Variants in INPP5D observed in about 807,000 individuals in gnomAD.
INPP5D encodes inositol polyphosphate-5-phosphatase D, also known as phosphatidylinositol 3,4,5-trisphosphate 5-phosphatase 1.
In INPP5D, 33 loss-of-function variants were observed where a neutral mutation model predicts 122.9. The observed-to-expected ratio is 0.27, with a 90% CI of 0.20 to 0.36. INPP5D has a LOEUF of 0.36. Ranked by LOEUF, INPP5D falls within the 10% of genes least tolerant of loss-of-function variation. INPP5D has a pLI of 1.00. For missense variants in INPP5D, 1,053 were observed against 1,412.7 expected, an observed-to-expected ratio of 0.75 and a Z score of 4.08; for synonymous variants, 584 against 576.2, an observed-to-expected ratio of 1.01 and a Z score of -0.19.
rs1694261910 is a variant in INPP5D at position 233,164,072 on chromosome 2, G to C, written c.1437+169G>C. On this transcript the variant is annotated intron_variant, in intron 12 of 26. Coordinates refer to ENST00000445964, the MANE Select transcript of INPP5D (RefSeq NM_001017915.3). This position sits in a 1 kb window ranked among gnomAD's most constrained non-coding sequence, Gnocchi z 4.3. ...ATTCAGAAATAAATGGGATCTGTGG[G>C]GTATTGCTGAAAACCACTGAGTCCT... 1.4e-6 allele frequency: 2 copies of C among 1,384,390 alleles called. No individual in the cohort carries two copies. The highest frequency in any genetic ancestry group is 1.5e-5 in the African/African-American group (1 of 68,714). The allele number at this position is 1,384,390 out of a possible 1,614,324, so 85.8% of individuals were successfully genotyped here.
intron 11 of INPP5D, among the ~76,000 whole-genome samples, chr2:233,162,259 C>A (rs978854987): frequency 6.6e-6 from 1 of 150,476 alleles, no homozygotes; most frequent in African/African-American, 2.4e-5. Flanking sequence ...GAGATAGGTA[C>A]GTAGACAAAG....
At chr2:233,166,530 A>C (rs974378913) in intron 13 of INPP5D, among the ~76,000 whole-genome samples, 1 of 152,200 alleles carries the variant, frequency 6.6e-6, no homozygotes, top group African/African-American at 2.4e-5. Flanking sequence ...AGGCCTGGCC[A>C]GAGTCCCAGC....
chr2:233,138,930 T>C (rs1160012156), intron 5 of INPP5D, among the ~76,000 whole-genome samples: 1 of 151,162 alleles, frequency 6.6e-6, no homozygotes, highest in East Asian at 1.9e-4. Flanking sequence ...TTTTTTTGTA[T>C]TTTTAGTAGA....
At chr2:233,061,557 G>A (rs547264141) in intron 1 of INPP5D, among the ~76,000 whole-genome samples, 6 of 152,256 alleles carry the variant, frequency 3.9e-5, no homozygotes, top group African/African-American at 9.6e-5. Context: ...GAGCAGCCAG[G>A]GCCTTGTGCT....
intron 17 of INPP5D, among the ~76,000 whole-genome samples, chr2:233,175,091 G>A (rs747422976): frequency 7.9e-5 from 12 of 151,480 alleles, no homozygotes; most frequent in Non-Finnish European, 1.5e-4. Context: ...GCTGATGGGC[G>A]CCTGTAATCC....
intron 2 of INPP5D, among the ~76,000 whole-genome samples, chr2:233,081,321 G>A (rs1691682829): frequency 1.3e-5 from 2 of 152,324 alleles, no homozygotes; most frequent in African/African-American, 4.8e-5. Context: ...TTCTGGCAGA[G>A]TTGGCATCTG....
chr2:233,137,847 AAAAAAAATATATATATATATATAT>A (rs1287318060), intron 5 of INPP5D, among the ~76,000 whole-genome samples: 248 of 15,918 alleles, frequency 0.016, 9 homozygotes, highest in African/African-American at 0.039. Context: ...AAAAAAAAAA[AAAAAAAATATATATATATATATAT>A]ATATATATAT....
At chr2:233,065,042 C>T (rs925859872) in intron 1 of INPP5D, among the ~76,000 whole-genome samples, 3 of 152,188 alleles carry the variant, frequency 2.0e-5, no homozygotes, top group East Asian at 1.9e-4. Flanking sequence ...GCTGACTGTG[C>T]CGGGTTTTCT....
chr2:233,108,538 G>A (rs931663904), intron 2 of INPP5D, among the ~76,000 whole-genome samples: 11 of 152,104 alleles, frequency 7.2e-5, no homozygotes, highest in African/African-American at 2.4e-4. Flanking sequence ...TTATTTAAAC[G>A]AGATGAGGTC....
chr2:233,133,833 A>G, intron 5 of INPP5D: 1 of 394,418 alleles, frequency 2.5e-6, no homozygotes, highest in Non-Finnish European at 5.2e-6. Context: ...TGTCCAAGTG[A>G]GACAGGATGG....
chr2:233,070,854 A>T (rs1406574229), intron 1 of INPP5D, among the ~76,000 whole-genome samples: 1 of 152,238 alleles, frequency 6.6e-6, no homozygotes, highest in East Asian at 1.9e-4. Context: ...AATATGTATC[A>T]TGTTTTTAGC....
chr2:233,168,072 A>G (rs1475181016), intron 13 of INPP5D, among the ~76,000 whole-genome samples: 1 of 152,008 alleles, frequency 6.6e-6, no homozygotes, highest in Non-Finnish European at 1.5e-5. Context: ...TAGATCATAA[A>G]TAAATAGATT....
In INPP5D at chr2:233,132,885, A is replaced by ATT. The variant is rs35276718; in HGVS notation, c.665+2257_665+2258dup. On this transcript the variant is annotated intron_variant, in intron 5 of 26. Coordinates refer to ENST00000445964, the MANE Select transcript of INPP5D (RefSeq NM_001017915.3). ...AGACTAAGGATCCAGATGAACAAGAATTTTTTTTTTTTTTTTTTTTTGAGA... is the reference window on the plus strand; with the variant it reads ...AGACTAAGGATCCAGATGAACAAGAATTTTTTTTTTTTTTTTTTTTTTTGAGA... Among the ~76,000 whole-genome samples, 1,102 of 117,978 alleles carry ATT rather than the reference A, an allele frequency of 9.3e-3. 17 individuals carry two copies. The highest frequency in any genetic ancestry group is 0.013 in the Middle Eastern group (3 of 230). 77.4% of individuals were successfully genotyped at this position (117,978 alleles called of 152,430 possible).
intron 2 of INPP5D, chr2:233,120,837 C>T (rs780321585): frequency 6.6e-6 from 1 of 152,252 alleles, no homozygotes; most frequent in African/African-American, 2.4e-5. Flanking sequence ...CCCCAAGGTC[C>T]TCTGCTATCA....
At chr2:233,072,649 A>T (rs2106202699) in intron 1 of INPP5D, among the ~76,000 whole-genome samples, 1 of 152,274 alleles carries the variant, frequency 6.6e-6, no homozygotes, top group South Asian at 2.1e-4. Flanking sequence ...TTTAGTGTTG[A>T]ATTGGTCTTG....
intron 1 of INPP5D, among the ~76,000 whole-genome samples, chr2:233,073,022 C>G (rs1691421581): frequency 6.6e-6 from 1 of 152,200 alleles, no homozygotes; most frequent in Non-Finnish European, 1.5e-5. Context: ...GGAGTTCTGT[C>G]CCTGCAAATC....
In INPP5D at chr2:233,074,124, G is replaced by A. The variant is rs143544402; in HGVS notation, c.135-5211G>A. ...TTTTCTTTTCTGACAAAGAACTGTC[G>A]AGAACAATTGGATCAGATTTGTTCA... On this transcript the variant is annotated intron_variant, in intron 1 of 26. Transcript: ENST00000445964. Among the ~76,000 whole-genome samples, 10 of 152,242 alleles carry A rather than the reference G, an allele frequency of 6.6e-5. No homozygotes were observed. The East Asian group carries it at 1.2e-3, about 18-fold the overall frequency.
chr2:233,145,224 G>A (rs1355659510), intron 6 of INPP5D: 1 of 456,156 alleles, frequency 2.2e-6, no homozygotes. Context: ...CATGTACTTG[G>A]CATCAGGTAG....
chr2:233,185,835 T>G lies in INPP5D; in HGVS notation c.2276-8T>G. The G allele has an allele frequency of 1.3e-6, 2 of 1,596,254 alleles. No homozygotes were observed. Among genetic ancestry groups the G allele is most frequent in the Non-Finnish European group, 8.5e-7 (1 of 1,170,998 alleles). ...TTTCTGAAAACCAGCCTTTTTGTCC[T>G]CCAACAGGTTTTGTCAAGAGTCAGG... On this transcript the variant is annotated splice_region_variant and splice_polypyrimidine_tract_variant and intron_variant, in intron 20 of 26. Transcript: ENST00000445964.
Sources: allele counts gnomAD v4.1 joint callset (sites outside exome capture counted in the v4.1 genomes callset), GRCh38; gene constraint gnomAD v4.1.1; non-coding constraint Gnocchi (gnomAD v3.1); transcripts MANE v1.5; gene names NCBI Gene and HGNC (gene_info 2026-07-23, HGNC 2026-07-21).